ATP13A2: variants seen among roughly 807,000 people sequenced by gnomAD.
ATP13A2 encodes ATPase cation transporting 13A2.
In ATP13A2, 83 loss-of-function variants were observed where a neutral mutation model predicts 138.3. The ratio of observed to expected loss-of-function variants is 0.60; its 90% CI spans 0.50 to 0.72. The LOEUF (loss-of-function observed/expected upper bound fraction) is 0.72, where lower values mean the gene tolerates loss of function less well. Ranked by LOEUF, ATP13A2 falls within the 30% of genes least tolerant of loss-of-function variation. The pLI is 0.00. For missense variants in ATP13A2, 1,402 were observed against 1,606.4 expected, an observed-to-expected ratio of 0.87 and a Z score of 2.17; for synonymous variants, 663 against 699.0, an observed-to-expected ratio of 0.95 and a Z score of 0.81.
rs1332693093 is a variant in ATP13A2, at chr1:16,988,182, G to A, written c.2815C>T (p.Leu939=). The change falls in exon 25 of 29, where the codon CTG becomes TTG. Residue 939 remains leucine, a synonymous_variant. Coordinates refer to ENST00000326735, the MANE Select transcript of ATP13A2 (RefSeq NM_022089.4). ...GAGATGAACTGGGTCAGGCTGTACAGAGCCATGTACTTGAAGACGCTGAAC... is the reference window on the plus strand; with the variant it reads ...GAGATGAACTGGGTCAGGCTGTACAAAGCCATGTACTTGAAGACGCTGAAC... ...TSFSVFKYMA[L]YSLTQFISVL... The A allele has an allele frequency of 1.2e-6, 2 of 1,614,194 alleles. No individual in the cohort carries two copies. Among genetic ancestry groups the A allele is most frequent in the East Asian group, 2.2e-5 (1 of 44,878 alleles).
chr1:16,998,482 AG>A (rs1186596150), intron 11 of ATP13A2, among the ~76,000 whole-genome samples: 1 of 152,164 alleles, frequency 6.6e-6, no homozygotes, highest in African/African-American at 2.4e-5. Context: ...TTGGGATTAC[AG>A]GTGCGAGCCA....
At position 17,005,125 on chromosome 1, in the gene ATP13A2, G is replaced by T. The variant is rs961579639; in HGVS notation, c.289-53C>A. ...TCAGAAGAGTCCCCTCCCCTCCCAG[G>T]CCCTGTCCTACAGCCAGGCGGCCCC... is the stretch of plus-strand genomic sequence containing the variant. On this transcript the variant is annotated intron_variant, in intron 3 of 28. Transcript: ENST00000326735. The T allele has an allele frequency of 1.9e-5, 30 of 1,608,296 alleles. No homozygotes were observed. In the African/African-American group the frequency reaches 3.3e-4, roughly 18 times the overall value.
Position 16,992,320 on chromosome 1 carries a change from C to A in ATP13A2, c.1928G>T (p.Trp643Leu), listed in dbSNP as rs1243526578. 6.2e-7 allele frequency: 1 copy of A among 1,612,528 alleles called. No homozygotes were observed. Among genetic ancestry groups the A allele is most frequent in the Non-Finnish European group, 8.5e-7 (1 of 1,179,780 alleles). ...ALQRMSVVVA[W>L]PGATQPEAYV... ...GGCCTCGGGCTGAGTGGCCCCTGGCCACGCCACCACCACACTCATGCGCTG... is the reference window on the plus strand; with the variant it reads ...GGCCTCGGGCTGAGTGGCCCCTGGCAACGCCACCACCACACTCATGCGCTG... The change falls in exon 18 of 29, where the codon TGG becomes TTG. Residue 643 changes from tryptophan (W) to leucine (L), a missense_variant. Trp to Leu is a moderately conservative substitution (Grantham distance 61). Transcript: ENST00000326735.
At chr1:16,993,558 G>C in intron 16 of ATP13A2, 71 bp downstream of exon 16, 1 of 1,406,418 alleles carries the variant, frequency 7.1e-7, no homozygotes, top group Non-Finnish European at 9.7e-7. Flanking sequence ...AAGATGGAGA[G>C]GGAAGACAGG....
chr1:17,004,457 C>T lies in ATP13A2; in HGVS notation c.478-46G>A. The T allele has an allele frequency of 6.2e-7, 1 of 1,605,194 alleles. No homozygotes were observed. Among genetic ancestry groups the T allele is most frequent in the Non-Finnish European group, 8.5e-7 (1 of 1,174,218 alleles). ...GATGGGTTGGAAGCTGGCCCCGGCC[C>T]CAGAAGCAGTGTGCTTATGCTGGGA... is the stretch of plus-strand genomic sequence containing the variant. On this transcript the variant is annotated intron_variant, in intron 5 of 28. Transcript: ENST00000326735. This position sits in a 1 kb window ranked among gnomAD's most constrained non-coding sequence, Gnocchi z 4.1.
intron 1 of ATP13A2, among the ~76,000 whole-genome samples, chr1:17,010,992 C>T (rs2077765543): frequency 1.3e-5 from 2 of 152,120 alleles, no homozygotes; most frequent in South Asian, 2.1e-4. Context: ...TTCCTCATTC[C>T]TTCCCCTCCC....
chr1:17,006,142 TAAACA>T (rs918682138), intron 1 of ATP13A2, among the ~76,000 whole-genome samples: 3 of 151,828 alleles, frequency 2.0e-5, no homozygotes, highest in Admixed American at 6.6e-5. Context: ...CTCAAAAAAC[TAAACA>T]AAACAAAACA....
intron 11 of ATP13A2, among the ~76,000 whole-genome samples, chr1:16,999,215 A>T (rs1333973011): frequency 1.3e-5 from 2 of 151,346 alleles, no homozygotes; most frequent in East Asian, 3.9e-4. Flanking sequence ...ACCCCATCTC[A>T]ACTAAAAATA....
At chr1:17,010,358 G>A (rs1285551759) in intron 1 of ATP13A2, among the ~76,000 whole-genome samples, 4 of 152,170 alleles carry the variant, frequency 2.6e-5, no homozygotes, top group Admixed American at 6.5e-5. Context: ...GATTACAGGC[G>A]TGAGCCACCA....
intron 1 of ATP13A2, among the ~76,000 whole-genome samples, chr1:17,009,365 G>C (rs1464090987): frequency 6.6e-6 from 1 of 151,756 alleles, no homozygotes; most frequent in Non-Finnish European, 1.5e-5. Flanking sequence ...TGGGAGTTGG[G>C]GGGAGGGGCT....
At position 17,000,551 on chromosome 1, in the gene ATP13A2, A is replaced by T; in HGVS notation, c.706-17T>A. ...GTTCAGTGCCTGGGGGAGGGGCGGG[A>T]GGCAGCGTCAGGGCCGCGTCCCCCA... On this transcript the variant is annotated splice_polypyrimidine_tract_variant and intron_variant, in intron 8 of 28. Coordinates refer to ENST00000326735, the MANE Select transcript of ATP13A2 (RefSeq NM_022089.4). 1.2e-6 allele frequency: 2 copies of T among 1,610,862 alleles called. No individual in the cohort carries two copies. Among genetic ancestry groups the T allele is most frequent in the Non-Finnish European group, 1.7e-6 (2 of 1,177,850 alleles).
Position 17,005,681 on chromosome 1 carries a change from T to C in ATP13A2, c.105+3A>G, listed in dbSNP as rs775452092. 6.2e-7 allele frequency: 1 copy of C among 1,613,890 alleles called. No homozygotes were observed. On this transcript the variant is annotated splice_donor_region_variant and intron_variant, in intron 2 of 28. Coordinates refer to ENST00000326735, the MANE Select transcript of ATP13A2 (RefSeq NM_022089.4). The stretch of plus-strand genomic sequence containing the variant: ...TTTTCCCCACCCCACTCTGCCCACT[T>C]ACCACGGATGAAACTGAGGAGCTGA...
At chr1:17,002,400 A>G (rs1292910496) in intron 6 of ATP13A2, 27 bp from the exon 7 acceptor site, 3 of 1,607,258 alleles carry the variant, frequency 1.9e-6, no homozygotes, top group East Asian at 2.2e-5. Context: ...GGGGACACGC[A>G]TGGGCCATGG....
At position 17,004,990 on chromosome 1, in the gene ATP13A2, G is replaced by C; in HGVS notation, c.347+24C>G. The C allele has an allele frequency of 1.2e-6, 2 of 1,613,542 alleles. No homozygotes were observed. Among genetic ancestry groups the C allele is most frequent in the Non-Finnish European group, 1.7e-6 (2 of 1,179,978 alleles). ...AGGCCAGGGTAGCAGGGGCTTCTGG[G>C]AAGGGGCAATGGGGCTGCCTCACCT... On this transcript the variant is annotated intron_variant, in intron 4 of 28. Coordinates refer to ENST00000326735, the MANE Select transcript of ATP13A2 (RefSeq NM_022089.4). The surrounding 1 kb of genome is among the most constrained non-coding windows in gnomAD (Gnocchi z 4.1).
rs1221004929 is a variant in ATP13A2, at chr1:17,000,518, T to C, written c.722A>G (p.Tyr241Cys). The C allele has an allele frequency of 1.1e-5, 17 of 1,613,728 alleles. No individual in the cohort carries two copies. Among genetic ancestry groups the C allele is most frequent in the African/African-American group, 4.0e-5 (3 of 74,868 alleles). The change falls in exon 9 of 29, where the codon TAT (tyrosine) becomes TGT (cysteine). Residue 241 changes from tyrosine to cysteine, a missense_variant. By Grantham distance (194) the Tyr-to-Cys change is radical. Transcript: ENST00000326735. The stretch of plus-strand genomic sequence containing the variant: ...CGCGATGCTGAAGGCCTGGAACCCA[T>C]AGTAGGGGTTCAGTGCCTGGGGGAG... ...LLVDEALNPY[Y>C]GFQAFSIALW...
intron 11 of ATP13A2, 30 bp from the exon 12 acceptor site, chr1:16,997,205 C>G: frequency 1.2e-6 from 2 of 1,612,676 alleles, no homozygotes; most frequent in Non-Finnish European, 8.5e-7. Flanking sequence ...GAGGACCACT[C>G]CACACCCCTC....
rs376070950 is a variant in ATP13A2, at chr1:16,992,353, G to A, written c.1895C>T (p.Ser632Leu). 62 of 1,613,168 alleles carry A rather than the reference G, an allele frequency of 3.8e-5. No homozygotes were observed. The highest frequency in any genetic ancestry group is 1.6e-4 in the Middle Eastern group (1 of 6,084). ...CACCACACTCATGCGCTGCAGAGCC[G>A]AAGAGAAGGGGAAGCGGTGGAGGAC... ...VSVLHRFPFSSALQRMSVVVA... is the reference protein window; with the variant it reads ...VSVLHRFPFSLALQRMSVVVA... The change falls in exon 18 of 29, where the codon TCG becomes TTG. Residue 632 changes from serine to leucine, a missense_variant. Physicochemically the swap from Ser to Leu is moderately radical, Grantham distance 145. Transcript: ENST00000326735.
chr1:16,986,523 G>A lies in ATP13A2; in HGVS notation c.3345C>T (p.Gly1115=). 6.2e-7 allele frequency: 1 copy of A among 1,612,720 alleles called. No homozygotes were observed. Among genetic ancestry groups the A allele is most frequent in the Non-Finnish European group, 8.5e-7 (1 of 1,179,898 alleles). ...CCAGACCCAGCAGCAGCAGCTTGAA[G>A]CCGGTGTCAGTGATGTTCCTCAGCG... is the stretch of plus-strand genomic sequence containing the variant. ...PLALRNITDT[G]FKLLLLGLVT... is the part of the protein sequence containing the mutation. The change falls in exon 28 of 29, where the codon GGC becomes GGT. Residue 1115 remains glycine (G), a synonymous_variant. Coordinates refer to ENST00000326735, the MANE Select transcript of ATP13A2 (RefSeq NM_022089.4). The surrounding 1 kb of genome is among the most constrained non-coding windows in gnomAD (Gnocchi z 6.9).
chr1:16,996,915 G>T, intron 12 of ATP13A2, 105 bp downstream of exon 12: 1 of 1,400,140 alleles, frequency 7.1e-7, no homozygotes, highest in Non-Finnish European at 9.8e-7. Flanking sequence ...CAGCAGCAGA[G>T]GTGGGCGTGG....
Sources: gnomAD v4.1 joint callset for allele counts (sites outside exome capture counted in the v4.1 genomes callset) on GRCh38, gnomAD v4.1.1 for gene constraint, Gnocchi (gnomAD v3.1) non-coding constraint, MANE v1.5 for transcripts, NCBI Gene and HGNC (gene_info 2026-07-23, HGNC 2026-07-21) for gene names.